Variants in CSMD1 observed in about 807,000 individuals in gnomAD.
CSMD1 encodes CUB and sushi domain-containing protein 1.
A neutral mutation model predicts 417.5 loss-of-function variants in CSMD1; 213 were observed. The observed-to-expected ratio is 0.51, with a 90% CI of 0.46 to 0.57. The LOEUF is 0.57. Ranked by LOEUF, CSMD1 falls within the 20% of genes least tolerant of loss-of-function variation. CSMD1 has a pLI of 0.00. For missense variants in CSMD1, 6,923 were observed against 4,529.7 expected (o/e 1.53, Z -15.17); for synonymous variants, 2,862 against 1,736.8 (o/e 1.65, Z -16.11).
intron 3 of CSMD1, among the ~76,000 whole-genome samples, chr8:4,245,373 C>T (rs527732550): frequency 2.8e-4 from 42 of 152,194 alleles, no homozygotes; most frequent in African/African-American, 9.9e-4. Flanking sequence ...AAGTACCCAG[C>T]CTGCCTTTTC....
At chr8:4,799,646 A>C (rs1798171774) in intron 1 of CSMD1, among the ~76,000 whole-genome samples, 1 of 149,252 alleles carries the variant, frequency 6.7e-6, no homozygotes, top group Non-Finnish European at 1.5e-5. Flanking sequence ...CTGGGCACTC[A>C]CACAAGTATC....
intron 5 of CSMD1, among the ~76,000 whole-genome samples, chr8:3,848,628 G>A (rs2954219): frequency 6.6e-6 from 1 of 151,982 alleles, no homozygotes; most frequent in African/African-American, 2.4e-5. Context: ...AAAGTGCAGA[G>A]AATAGATGGA....
chr8:4,342,382 T>C (rs1165941490), intron 3 of CSMD1, among the ~76,000 whole-genome samples: 2 of 152,126 alleles, frequency 1.3e-5, no homozygotes, highest in Non-Finnish European at 2.9e-5. Flanking sequence ...CACATATGTT[T>C]ATTATAGTAT....
chr8:4,459,328 C>T (rs1429344418), intron 2 of CSMD1, among the ~76,000 whole-genome samples: 1 of 152,166 alleles, frequency 6.6e-6, no homozygotes, highest in Non-Finnish European at 1.5e-5. Flanking sequence ...CCACCAGGAG[C>T]AAACCAAGAC....
At chr8:3,296,245 G>C (rs552090790) in intron 25 of CSMD1, among the ~76,000 whole-genome samples, 2 of 151,866 alleles carry the variant, frequency 1.3e-5, no homozygotes, top group South Asian at 4.2e-4. Flanking sequence ...AGGAGTTAAG[G>C]GTGTTTGTCG....
chr8:3,193,710 A>G (rs1242621119), intron 33 of CSMD1, among the ~76,000 whole-genome samples: 1 of 152,128 alleles, frequency 6.6e-6, no homozygotes, highest in Non-Finnish European at 1.5e-5. Context: ...AAAATGATTG[A>G]CTTCTCAGGC....
chr8:4,628,973 A>C (rs145352196), intron 2 of CSMD1, among the ~76,000 whole-genome samples: 4 of 152,204 alleles, frequency 2.6e-5, no homozygotes, highest in Non-Finnish European at 4.4e-5. Flanking sequence ...TATATGTGAG[A>C]GATCTTCTCA....
At chr8:4,543,357 G>A (rs1200297692) in intron 2 of CSMD1, among the ~76,000 whole-genome samples, 1 of 151,998 alleles carries the variant, frequency 6.6e-6, no homozygotes, top group Non-Finnish European at 1.5e-5. Flanking sequence ...CCATAGTTCT[G>A]CCTTTTCCAG....
At chr8:3,040,267 A>C (rs1810997488) in intron 50 of CSMD1, among the ~76,000 whole-genome samples, 1 of 151,920 alleles carries the variant, frequency 6.6e-6, no homozygotes, top group African/African-American at 2.4e-5. Flanking sequence ...CAAAAATATT[A>C]ACTTCACCTG....
rs1467296329 is a variant in CSMD1, at chr8:3,772,330, TTTAG to T, written c.819-18292_819-18289del. 9.2e-4 allele frequency among the ~76,000 whole-genome samples: 57 copies of T among 61,984 alleles called. 6 individuals are homozygous for T. The highest frequency in any genetic ancestry group is 5.4e-3 in the East Asian group (15 of 2,788). The allele number at this position is 61,984 out of a possible 152,430, so 40.7% of individuals were successfully genotyped here. On this transcript the variant is annotated intron_variant, in intron 5 of 69. Coordinates refer to ENST00000635120, the MANE Select transcript of CSMD1 (RefSeq NM_033225.6). ...ATTTAGACATACATATGTACATATA[TTTAG>T]ACATACATATATACATATATTTATA... is the stretch of plus-strand genomic sequence containing the variant.
intron 1 of CSMD1, among the ~76,000 whole-genome samples, chr8:4,979,153 A>C (rs918709368): frequency 1.3e-5 from 2 of 152,152 alleles, no homozygotes; most frequent in Admixed American, 1.3e-4. Context: ...TTCAAGCTAA[A>C]TTTCATGTAC....
intron 27 of CSMD1, among the ~76,000 whole-genome samples, chr8:3,229,652 A>C (rs1406078454): frequency 6.6e-6 from 1 of 152,170 alleles, no homozygotes; most frequent in Non-Finnish European, 1.5e-5. Context: ...CTAAAAAGAG[A>C]AAGTACTTTT....
intron 26 of CSMD1, among the ~76,000 whole-genome samples, chr8:3,271,731 T>C (rs1177565908): frequency 2.6e-5 from 4 of 152,226 alleles, no homozygotes; most frequent in African/African-American, 9.7e-5. Context: ...ATGTCTTCTT[T>C]TGAGAAGTGT....
intron 9 of CSMD1, among the ~76,000 whole-genome samples, chr8:3,576,594 T>G (rs900487033): frequency 2.6e-5 from 4 of 152,230 alleles, no homozygotes; most frequent in Admixed American, 2.6e-4. Context: ...TTTAAAATGC[T>G]GGCATTTACT....
At chr8:4,132,683 G>C (rs192300807) in intron 3 of CSMD1, among the ~76,000 whole-genome samples, 1 of 152,026 alleles carries the variant, frequency 6.6e-6, no homozygotes, top group African/African-American at 2.4e-5. Flanking sequence ...GATGAGCCTC[G>C]CAACTCAATG....
chr8:4,396,480 G>A (rs933178780), intron 3 of CSMD1, among the ~76,000 whole-genome samples: 1 of 151,986 alleles, frequency 6.6e-6, no homozygotes, highest in East Asian at 1.9e-4. Context: ...ACTCTGCAAT[G>A]GGAATTGCAC....
intron 21 of CSMD1, among the ~76,000 whole-genome samples, chr8:3,351,267 G>C (rs999042548): frequency 2.6e-5 from 4 of 152,124 alleles, no homozygotes; most frequent in African/African-American, 4.8e-5. Context: ...GGATTCAAAA[G>C]ATAGTCTTTC....
chr8:3,092,618 T>A (rs1354837870), intron 47 of CSMD1, among the ~76,000 whole-genome samples: 2 of 152,188 alleles, frequency 1.3e-5, no homozygotes, highest in Non-Finnish European at 2.9e-5. Context: ...TTTTCACCTG[T>A]CTATGGTATT....
At chr8:3,838,982 T>A (rs1201024090) in intron 5 of CSMD1, among the ~76,000 whole-genome samples, 1 of 126,290 alleles carries the variant, frequency 7.9e-6, no homozygotes, top group Non-Finnish European at 1.6e-5. Context: ...TATAATATAT[T>A]ATATATCATA....
Sources: allele counts gnomAD v4.1 joint callset (sites outside exome capture counted in the v4.1 genomes callset), GRCh38; gene constraint gnomAD v4.1.1; transcripts MANE v1.5; gene names NCBI Gene and HGNC (gene_info 2026-07-23, HGNC 2026-07-21).